The following GPLD1 variants were observed in gnomAD, a reference collection of about 807,000 sequenced individuals.
GPLD1 encodes glycosylphosphatidylinositol specific phospholipase D1, also known as phosphatidylinositol-glycan-specific phospholipase D.
In GPLD1, 84 loss-of-function variants were observed where a neutral mutation model predicts 112.6. The ratio of observed to expected loss-of-function variants is 0.75; its 90% CI spans 0.63 to 0.89. The LOEUF is 0.89. Ranked by LOEUF, GPLD1 falls within the 40% of genes least tolerant of loss-of-function variation. The pLI is 0.00. For missense variants in GPLD1, 1,044 were observed against 1,051.5 expected (o/e 0.99, Z 0.10); for synonymous variants, 386 against 403.8 (o/e 0.96, Z 0.53).
chr6:24,424,759 A>C (rs1762171526), downstream of GPLD1: 1 of 152,230 alleles, frequency 6.6e-6, no homozygotes, highest in African/African-American at 2.4e-5. Context: ...CTTGCACTAC[A>C]AATGTAATAA....
intron 21 of GPLD1, 49 bp from the exon 22 acceptor site, chr6:24,436,785 C>A: frequency 2.5e-6 from 4 of 1,579,080 alleles, no homozygotes; most frequent in Non-Finnish European, 2.6e-6. Context: ...TCCTCACTGT[C>A]ATCTTTTCCT....
At chr6:24,436,827 T>C (rs1762592750) in intron 21 of GPLD1, 91 bp from the exon 22 acceptor site, 2 of 1,257,184 alleles carry the variant, frequency 1.6e-6, no homozygotes, top group African/African-American at 1.5e-5. Flanking sequence ...CCCAACCTCT[T>C]ACAAATAATA....
rs57649807 is a variant in GPLD1, at chr6:24,481,343, C to CT, written c.154-1385dup. ...AGTAAAAGTTTGGCAATATCCCGCC[C>CT]TTTTTTTTTTTTTTTTAAATAAGAA... On this transcript the variant is annotated intron_variant, in intron 2 of 24. Transcript: ENST00000230036. Among the ~76,000 whole-genome samples the CT allele has an allele frequency of 8.6e-3, 1,244 of 143,910 alleles. 5 individuals are homozygous for CT. Among genetic ancestry groups the CT allele is most frequent in the Middle Eastern group, 0.011 (3 of 266 alleles). 94.4% of individuals were successfully genotyped at this position (143,910 alleles called of 152,430 possible).
chr6:24,479,538 C>CT (rs1764132872), intron 3 of GPLD1, among the ~76,000 whole-genome samples: 2 of 152,282 alleles, frequency 1.3e-5, no homozygotes, highest in East Asian at 3.9e-4. Flanking sequence ...GGATAAGTGA[C>CT]TTTTTTAAGA....
Position 24,437,249 on chromosome 6 carries a change from G to A in GPLD1, c.2061C>T (p.His687=), listed in dbSNP as rs201595938. 25 of 1,614,150 alleles carry A rather than the reference G, an allele frequency of 1.5e-5. No homozygotes were observed. In the African/African-American group the frequency reaches 2.4e-4, roughly 15 times the overall value. ...SKVAFLTVTL[H]QGGATRMYAL... is the part of the protein sequence containing the mutation. ...CGTACATGCGAGTGGCTCCGCCTTG[G>A]TGTAGGGTCACGGTCAGGAATGCCA... The change falls in exon 21 of 25, where the codon CAC becomes CAT. Residue 687 remains histidine (H), a synonymous_variant. Transcript: ENST00000230036.
Position 24,471,062 on chromosome 6 carries a change from G to T in GPLD1, c.545+1520C>A, listed in dbSNP as rs1763800114. Among the ~76,000 whole-genome samples the T allele has an allele frequency of 3.3e-5, 5 of 152,142 alleles. No individual in the cohort carries two copies. In the South Asian group the frequency reaches 1.0e-3, roughly 31 times the overall value. Reference sequence around the variant, plus strand: ...CAAGGTACTTTTGAAGAAAAAGAAGGACTAGTTATAAGATCTGCCCTAACA... The same window carrying T: ...CAAGGTACTTTTGAAGAAAAAGAAGTACTAGTTATAAGATCTGCCCTAACA... On this transcript the variant is annotated intron_variant, in intron 7 of 24. Coordinates refer to ENST00000230036, the MANE Select transcript of GPLD1 (RefSeq NM_001503.4).
rs1300497258 is a variant in GPLD1 at position 24,436,719 on chromosome 6, C to A, written c.2215G>T (p.Ala739Ser). The A allele has an allele frequency of 1.2e-6, 2 of 1,613,406 alleles. No homozygotes were observed. The highest frequency in any genetic ancestry group is 1.7e-6 in the Non-Finnish European group (2 of 1,179,904). The change falls in exon 22 of 25, where the codon GCC becomes TCC. Residue 739 changes from alanine to serine, a missense_variant. By Grantham distance (99) the Ala-to-Ser change is moderately conservative. Coordinates refer to ENST00000230036, the MANE Select transcript of GPLD1 (RefSeq NM_001503.4). ...GTTACATCTGCTATCCTCAGGGGGGCTGCCATGATGATTTCATCTGAAAAC... is the reference window on the plus strand; with the variant it reads ...GTTACATCTGCTATCCTCAGGGGGGATGCCATGATGATTTCATCTGAAAAC... ...DDGLDEIIMA[A>S]PLRIADVTSG...
At chr6:24,424,919 C>T (rs529641955), downstream of GPLD1, 3 of 151,946 alleles carry the variant, frequency 2.0e-5, no homozygotes, top group Non-Finnish European at 2.9e-5. Flanking sequence ...GGAAGAAAAC[C>T]GATGAAGTAC....
intron 3 of GPLD1, among the ~76,000 whole-genome samples, chr6:24,478,543 T>C (rs573579538): frequency 2.0e-4 from 31 of 152,312 alleles, no homozygotes; most frequent in African/African-American, 7.0e-4. Context: ...CTCTACCTTG[T>C]AGGGTGACTC....
At chr6:24,431,267 T>C (rs1337595072) in intron 24 of GPLD1, among the ~76,000 whole-genome samples, 2 of 152,220 alleles carry the variant, frequency 1.3e-5, no homozygotes, top group Admixed American at 1.3e-4. Flanking sequence ...CACAGGAACC[T>C]GGTCCACAGC....
chr6:24,456,156 T>C (rs916671998), intron 13 of GPLD1, among the ~76,000 whole-genome samples: 1 of 152,162 alleles, frequency 6.6e-6, no homozygotes, highest in African/African-American at 2.4e-5. Context: ...CCCAGGACTT[T>C]GGGAGGCCAA....
At chr6:24,430,679 AAAGG>A (rs1305597272) in intron 24 of GPLD1, among the ~76,000 whole-genome samples, 1 of 152,178 alleles carries the variant, frequency 6.6e-6, no homozygotes, top group Non-Finnish European at 1.5e-5. Flanking sequence ...TATGCCACAG[AAAGG>A]AAGGAATCTT....
At chr6:24,438,639 A>C (rs1762651946) in intron 20 of GPLD1, among the ~76,000 whole-genome samples, 1 of 152,232 alleles carries the variant, frequency 6.6e-6, no homozygotes, top group South Asian at 2.1e-4. Context: ...TTAAAAGCTC[A>C]GCAATCTGGA....
chr6:24,461,368 A>T (rs535804903), intron 11 of GPLD1, among the ~76,000 whole-genome samples: 1 of 152,328 alleles, frequency 6.6e-6, no homozygotes, highest in Admixed American at 6.5e-5. Context: ...TACCCAATTC[A>T]AATACAACAA....
rs201798189 is a variant in GPLD1, at chr6:24,450,504, AAAAC to A, written c.1336-609_1336-606del. Among the ~76,000 whole-genome samples, 1,262 of 152,150 alleles carry A rather than the reference AAAAC, an allele frequency of 8.3e-3. 17 individuals are homozygous for A. Among genetic ancestry groups the A allele is most frequent in the African/African-American group, 0.028 (1,146 of 41,500 alleles). ...CAACACAGCGAGACTCCATCTCAAA[AAAAC>A]AAACAAACAAAAAAGAAAGTATCTA... On this transcript the variant is annotated intron_variant, in intron 14 of 24. Coordinates refer to ENST00000230036, the MANE Select transcript of GPLD1 (RefSeq NM_001503.4).
At chr6:24,480,568 CACAA>C (rs1241689258) in intron 2 of GPLD1, among the ~76,000 whole-genome samples, 14 of 152,098 alleles carry the variant, frequency 9.2e-5, no homozygotes, top group Non-Finnish European at 1.6e-4. Context: ...TACGCACGCA[CACAA>C]ACAAGCACGC....
At position 24,460,279 on chromosome 6, in the gene GPLD1, C is replaced by A. The variant is rs367986530; in HGVS notation, c.1008G>T (p.Pro336=). Reference sequence around the variant, plus strand: ...TCAACTTAGAGCAGAAAATTCTTACCGGGGTCCAGGAATTTACACTAAAGA... The same window carrying A: ...TCAACTTAGAGCAGAAAATTCTTACAGGGGTCCAGGAATTTACACTAAAGA... ...GVFFSVNSWT[P]DSMSFIYKAL... The change falls in exon 12 of 25, where the codon CCG becomes CCT. Residue 336 remains proline (P), a splice_region_variant and synonymous_variant. Transcript: ENST00000230036. 1.2e-6 allele frequency: 2 copies of A among 1,613,624 alleles called. No homozygotes were observed. The highest frequency in any genetic ancestry group is 1.3e-5 in the African/African-American group (1 of 74,862).
At chr6:24,494,921 T>C (rs927466563) in intron 1 of GPLD1, 28 of 1,248,616 alleles carry the variant, frequency 2.2e-5, no homozygotes, top group Non-Finnish European at 2.8e-5. Context: ...TCGCTCCTCT[T>C]GCTTCCCCGC....
At chr6:24,494,580 G>C (rs1764641047) in intron 1 of GPLD1, among the ~76,000 whole-genome samples, 1 of 152,158 alleles carries the variant, frequency 6.6e-6, no homozygotes, top group Non-Finnish European at 1.5e-5. Context: ...ACAAATTCCG[G>C]GGATGCCGAA....
Sources: gnomAD v4.1 joint callset for allele counts (sites outside exome capture counted in the v4.1 genomes callset) on GRCh38, gnomAD v4.1.1 for gene constraint, MANE v1.5 for transcripts, NCBI Gene and HGNC (gene_info 2026-07-23, HGNC 2026-07-21) for gene names.